C12orf56: variants seen among roughly 807,000 people sequenced by gnomAD.
C12orf56 encodes the protein uncharacterized protein C12orf56.
A neutral mutation model predicts 69.9 loss-of-function variants in C12orf56; 71 were observed. The ratio of observed to expected loss-of-function variants is 1.02; its 90% CI spans 0.84 to 1.24. The LOEUF is 1.24. C12orf56 is among the 50% of genes most tolerant of loss of function. The probability of loss-of-function intolerance (pLI) is 0.00; values close to 1 mark genes in which losing one functional copy is unlikely to be tolerated. For synonymous variants in C12orf56, 276 were observed against 274.1 expected (o/e 1.01, Z -0.07); for missense variants, 732 against 738.5 (o/e 0.99, Z 0.10).
chr12:64,345,449 G>C (rs1252482829), intron 2 of C12orf56, among the ~76,000 whole-genome samples: 1 of 152,204 alleles, frequency 6.6e-6, no homozygotes, highest in Non-Finnish European at 1.5e-5. Context: ...TACAAACTCA[G>C]TGTCCCCAAC....
At chr12:64,388,935 C>CA (rs2039829460) in intron 1 of C12orf56, 1 of 151,980 alleles carries the variant, frequency 6.6e-6, no homozygotes, top group South Asian at 2.1e-4. Context: ...TTTTCCTCAA[C>CA]AAAGAAAATA....
chr12:64,368,116 T>G (rs1169153131), intron 1 of C12orf56, among the ~76,000 whole-genome samples: 1 of 152,044 alleles, frequency 6.6e-6, no homozygotes, highest in African/African-American at 2.4e-5. Flanking sequence ...CCTTGTTTTT[T>G]TGAGACCAGG....
At chr12:64,310,426 AGC>A (rs1361524761) in intron 5 of C12orf56, among the ~76,000 whole-genome samples, 4 of 152,214 alleles carry the variant, frequency 2.6e-5, no homozygotes, top group Non-Finnish European at 5.9e-5. Context: ...CGCATTCACT[AGC>A]TGGAATTCTA....
In C12orf56 at chr12:64,265,932, TAG is replaced by T. The variant is rs1466621897; in HGVS notation, c.*1249_*1250del. 5 of 152,226 alleles carry T rather than the reference TAG, an allele frequency of 3.3e-5. No individual in the cohort carries two copies. Among genetic ancestry groups the T allele is most frequent in the African/African-American group, 9.6e-5 (4 of 41,466 alleles). 9.4% of individuals were successfully genotyped at this position (152,226 alleles called of 1,614,324 possible). A position where few individuals can be genotyped will look rare whatever the true frequency, so the allele number is the denominator to read the frequency against. ...CTGCTCGTAGACAATTTATCTTTCA[TAG>T]AGACTCTATGGGACTACACAAATTA... is the stretch of plus-strand genomic sequence containing the variant. On this transcript the variant is annotated 3_prime_UTR_variant, in exon 13 of 13. Coordinates refer to ENST00000543942, the MANE Select transcript of C12orf56 (RefSeq NM_001170633.2).
chr12:64,332,592 G>A (rs1386425212), intron 2 of C12orf56, among the ~76,000 whole-genome samples: 1 of 149,424 alleles, frequency 6.7e-6, no homozygotes, highest in Non-Finnish European at 1.5e-5. Flanking sequence ...TTTGTACAGT[G>A]TAAGACAGAC....
Position 64,266,474 on chromosome 12 carries a change from C to T in C12orf56, c.*709G>A, listed in dbSNP as rs543951579. On this transcript the variant is annotated 3_prime_UTR_variant, in exon 13 of 13. Transcript: ENST00000543942. Reference sequence around the variant, plus strand: ...GACCCTTTGGTGTTCTACCTGGAGGCGTGGCTGGCGGATGAGATCTTGAGT... The same window carrying T: ...GACCCTTTGGTGTTCTACCTGGAGGTGTGGCTGGCGGATGAGATCTTGAGT... 3.4e-5 allele frequency: 9 copies of T among 263,726 alleles called. No homozygotes were observed. In the South Asian group the frequency reaches 3.8e-4, roughly 11 times the overall value. 16.3% of individuals were successfully genotyped at this position (263,726 alleles called of 1,614,324 possible).
At position 64,365,185 on chromosome 12, in the gene C12orf56, A is replaced by G. The variant is rs74534870; in HGVS notation, c.253-12129T>C. The stretch of plus-strand genomic sequence containing the variant: ...TCCTTTTTTTTTTTTTTTTTTTTAG[A>G]TGGAGTTTCGCTCCTGTTGCCCCGG... On this transcript the variant is annotated intron_variant, in intron 1 of 12. Transcript: ENST00000543942. Among the ~76,000 whole-genome samples the G allele has an allele frequency of 1.4e-3, 145 of 106,406 alleles. 2 individuals are homozygous for G. Among genetic ancestry groups the G allele is most frequent in the African/African-American group, 4.8e-3 (141 of 29,472 alleles). 69.8% of individuals were successfully genotyped at this position (106,406 alleles called of 152,430 possible). A position where few individuals can be genotyped will look rare whatever the true frequency, so the allele number is the denominator to read the frequency against.
intron 1 of C12orf56, among the ~76,000 whole-genome samples, chr12:64,369,187 A>C (rs1012285204): frequency 2.6e-5 from 4 of 152,034 alleles, no homozygotes; most frequent in Admixed American, 6.6e-5. Context: ...CTTAGGTAAA[A>C]ATAAAAGACA....
chr12:64,329,849 C>T (rs898496243), intron 3 of C12orf56, among the ~76,000 whole-genome samples: 3 of 151,700 alleles, frequency 2.0e-5, no homozygotes, highest in African/African-American at 7.3e-5. Context: ...CTATAAAGGA[C>T]ATGAACTCAT....
At chr12:64,375,636 C>T (rs1318484642) in intron 1 of C12orf56, among the ~76,000 whole-genome samples, 1 of 152,284 alleles carries the variant, frequency 6.6e-6, no homozygotes, top group East Asian at 1.9e-4. Context: ...ATCATCAAAG[C>T]TGATCCTCTT....
At chr12:64,334,726 C>A (rs1004035274) in intron 2 of C12orf56, among the ~76,000 whole-genome samples, 4 of 152,026 alleles carry the variant, frequency 2.6e-5, no homozygotes, top group Admixed American at 6.6e-5. Context: ...ACAGAAAAGA[C>A]CTTAAAGGCT....
intron 1 of C12orf56, among the ~76,000 whole-genome samples, chr12:64,353,371 TG>T (rs2039260951): frequency 1.3e-5 from 2 of 152,176 alleles, no homozygotes; most frequent in Admixed American, 1.3e-4. Context: ...TTGGCCAGGC[TG>T]GTCTCGAATT....
At chr12:64,370,937 C>T (rs2135973167) in intron 1 of C12orf56, among the ~76,000 whole-genome samples, 1 of 152,208 alleles carries the variant, frequency 6.6e-6, no homozygotes, top group Middle Eastern at 3.4e-3. Context: ...GAGTTCAAGG[C>T]TGCAGTGAGC....
intron 2 of C12orf56, among the ~76,000 whole-genome samples, chr12:64,340,376 A>G (rs902212902): frequency 1.3e-5 from 2 of 152,130 alleles, no homozygotes; most frequent in African/African-American, 4.8e-5. Context: ...CTATCCTTCA[A>G]TCCAATGAAG....
intron 6 of C12orf56, among the ~76,000 whole-genome samples, chr12:64,299,819 G>T (rs1034423800): frequency 6.6e-6 from 1 of 152,112 alleles, no homozygotes; most frequent in Admixed American, 6.6e-5. Context: ...TCTGTTAATT[G>T]TTAAAGAGGA....
intron 6 of C12orf56, among the ~76,000 whole-genome samples, chr12:64,302,643 C>T (rs984205634): frequency 6.6e-6 from 1 of 152,092 alleles, no homozygotes; most frequent in African/African-American, 2.4e-5. Flanking sequence ...TTAGCACCAC[C>T]ATTAGCACCA....
chr12:64,277,686 G>C lies in C12orf56; in HGVS notation c.1428C>G (p.Asp476Glu). Residue 476 changes from aspartate (D) to glutamate (E), a missense_variant, in exon 9 of 13, where the codon GAC becomes GAG. Transcript: ENST00000543942. The part of the protein sequence containing the change: ...ADSALVRMSF[D>E]AELQKLILEY... ...CCCCAAATTCTCATCTCACCTCAGC[G>C]TCAAAAGACATTCTGACTAAAGCTG... 1 of 1,549,546 alleles carries C rather than the reference G, an allele frequency of 6.5e-7. No homozygotes were observed. The highest frequency in any genetic ancestry group is 8.7e-7 in the Non-Finnish European group (1 of 1,145,524).
At chr12:64,299,528 T>C (rs1277800187) in intron 6 of C12orf56, among the ~76,000 whole-genome samples, 1 of 152,186 alleles carries the variant, frequency 6.6e-6, no homozygotes, top group Non-Finnish European at 1.5e-5. Context: ...TAGGTTAATA[T>C]TTCACAAGAG....
At chr12:64,324,897 A>G (rs1425677481) in intron 3 of C12orf56, among the ~76,000 whole-genome samples, 2 of 152,162 alleles carry the variant, frequency 1.3e-5, no homozygotes, top group Non-Finnish European at 2.9e-5. Context: ...AGGAGTTCCA[A>G]TAATCCAGGG....
Sources: allele counts gnomAD v4.1 joint callset (sites outside exome capture counted in the v4.1 genomes callset), GRCh38; gene constraint gnomAD v4.1.1; transcripts MANE v1.5; gene names NCBI Gene and HGNC (gene_info 2026-07-23, HGNC 2026-07-21).